ASPH: variants seen among roughly 807,000 people sequenced by gnomAD.
ASPH encodes aspartate beta-hydroxylase, also known as aspartyl/asparaginyl beta-hydroxylase.
A neutral mutation model predicts 118.4 loss-of-function variants in ASPH; 100 were observed. The ratio of observed to expected loss-of-function variants is 0.84; its 90% CI spans 0.72 to 1.00. ASPH has a LOEUF of 1.00. Among genes scored for constraint, ASPH ranks in the 50% least tolerant of loss-of-function variants. ASPH has a pLI of 0.00. For missense variants in ASPH, 920 were observed against 919.5 expected (o/e 1.00, Z -0.01); for synonymous variants, 315 against 325.6 (o/e 0.97, Z 0.35).
intron 1 of ASPH, among the ~76,000 whole-genome samples, chr8:61,710,766 G>C: frequency 6.6e-6 from 1 of 152,156 alleles, no homozygotes; most frequent in South Asian, 2.1e-4. Flanking sequence ...ATTTTGCTAG[G>C]GCCTCTTCAT....
intron 1 of ASPH, among the ~76,000 whole-genome samples, chr8:61,703,779 T>C (rs1353097549): frequency 2.6e-5 from 4 of 151,648 alleles, no homozygotes; most frequent in Admixed American, 1.3e-4. Flanking sequence ...GATTCTAAAA[T>C]GTATATGGAT....
intron 14 of ASPH, among the ~76,000 whole-genome samples, chr8:61,609,675 G>A (rs1349113865): frequency 1.3e-5 from 2 of 152,074 alleles, no homozygotes; most frequent in Admixed American, 6.6e-5. Context: ...TGATTTTTAA[G>A]TGAAAAATAT....
chr8:61,544,758 G>GT (rs1165947491), intron 21 of ASPH, among the ~76,000 whole-genome samples: 2 of 152,202 alleles, frequency 1.3e-5, no homozygotes, highest in African/African-American at 4.8e-5. Context: ...AACCCATCAT[G>GT]TATTAGAGAC....
At chr8:61,599,623 T>A (rs1843393973) in intron 14 of ASPH, among the ~76,000 whole-genome samples, 1 of 151,650 alleles carries the variant, frequency 6.6e-6, no homozygotes, top group South Asian at 2.1e-4. Context: ...CGAAGGATCA[T>A]CAGAGACTAT....
intron 14 of ASPH, among the ~76,000 whole-genome samples, chr8:61,609,318 A>G (rs2133849699): frequency 6.6e-6 from 1 of 152,296 alleles, no homozygotes; most frequent in Admixed American, 6.5e-5. Flanking sequence ...CAGAATCCCT[A>G]TGAGGCTAGG....
intron 13 of ASPH, among the ~76,000 whole-genome samples, chr8:61,626,692 AAAATTAAAATAAATTTT>A (rs1388566990): frequency 2.0e-5 from 3 of 149,944 alleles, no homozygotes; most frequent in Non-Finnish European, 4.4e-5. Flanking sequence ...TATTGCTTTA[AAAATTAAAATAAATTTT>A]AAATTAAAAT....
intron 15 of ASPH, among the ~76,000 whole-genome samples, chr8:61,581,135 T>C (rs1837388080): frequency 6.6e-6 from 1 of 152,244 alleles, no homozygotes; most frequent in East Asian, 1.9e-4. Flanking sequence ...GCAGCATCCT[T>C]TGAATCCCTG....
chr8:61,503,298 A>C lies in ASPH; in HGVS notation c.*61T>G. On this transcript the variant is annotated 3_prime_UTR_variant, in exon 25 of 25. Transcript: ENST00000379454. ...GTTCGAAATTCTATCCTCACACCCAAGGAGATGGAACCAGAAAGGCAGCCT... is the reference window on the plus strand; with the variant it reads ...GTTCGAAATTCTATCCTCACACCCACGGAGATGGAACCAGAAAGGCAGCCT... 1 of 1,540,628 alleles carries C rather than the reference A, an allele frequency of 6.5e-7. No homozygotes were observed. Among genetic ancestry groups the C allele is most frequent in the Non-Finnish European group, 8.8e-7 (1 of 1,138,292 alleles).
chr8:61,684,548 T>A, intron 1 of ASPH: 1 of 168,482 alleles, frequency 5.9e-6, no homozygotes, highest in Non-Finnish European at 1.3e-5. Context: ...AGCCAAATCC[T>A]TTTCTCCGTC....
intron 24 of ASPH, among the ~76,000 whole-genome samples, chr8:61,511,220 C>T (rs1808702672): frequency 6.6e-6 from 1 of 152,094 alleles, no homozygotes; most frequent in Admixed American, 6.5e-5. Flanking sequence ...GGAGGAAGGC[C>T]ATTATTTCTA....
At chr8:61,626,206 A>T in intron 13 of ASPH, 2 of 1,452,972 alleles carry the variant, frequency 1.4e-6, no homozygotes, top group South Asian at 1.6e-5. Flanking sequence ...GATCTATCAC[A>T]GCCATCTTTT....
chr8:61,597,639 AG>A (rs1353508431), intron 14 of ASPH, among the ~76,000 whole-genome samples: 1 of 152,214 alleles, frequency 6.6e-6, no homozygotes, highest in Admixed American at 6.5e-5. Context: ...AAACAGCAAA[AG>A]AATCAAGTTA....
chr8:61,508,784 T>A (rs1204293013), intron 24 of ASPH, among the ~76,000 whole-genome samples: 1 of 152,206 alleles, frequency 6.6e-6, no homozygotes, highest in Non-Finnish European at 1.5e-5. Flanking sequence ...GTAGATGACA[T>A]GCTGAGGTGG....
At chr8:61,699,405 A>G (rs535696747) in intron 1 of ASPH, among the ~76,000 whole-genome samples, 6 of 152,370 alleles carry the variant, frequency 3.9e-5, no homozygotes, top group Non-Finnish European at 8.8e-5. Flanking sequence ...ATCCCTCGCC[A>G]TAAGACAAAT....
chr8:61,561,932 C>T (rs567304749), intron 18 of ASPH, among the ~76,000 whole-genome samples: 4 of 152,164 alleles, frequency 2.6e-5, no homozygotes, highest in African/African-American at 9.6e-5. Flanking sequence ...GTGTCAAAAA[C>T]AAAAACAAAA....
At position 61,684,144 on chromosome 8, in the gene ASPH, A is replaced by C; in HGVS notation, c.148T>G (p.Ser50Ala). ...AACCACGTGAAGAATGAAGTTCCTG[A>C]GAGTCCGCCTTTCCTCCCATTCTTG... is the stretch of plus-strand genomic sequence containing the variant. ...GHKNGRKGGL[S>A]GTSFFTWFMV... Residue 50 changes from serine to alanine, a missense_variant, in exon 2 of 25, where the codon TCA becomes GCA. Physicochemically the swap from Ser to Ala is moderately conservative, Grantham distance 99. Coordinates refer to ENST00000379454, the MANE Select transcript of ASPH (RefSeq NM_004318.4). 5 of 1,613,658 alleles carry C rather than the reference A, an allele frequency of 3.1e-6. No homozygotes were observed. In the Admixed American group the frequency reaches 6.7e-5, roughly 22 times the overall value.
intron 14 of ASPH, among the ~76,000 whole-genome samples, chr8:61,618,389 C>G (rs1437043649): frequency 6.6e-6 from 1 of 152,124 alleles, no homozygotes; most frequent in Admixed American, 6.6e-5. Context: ...TTTTTTAACT[C>G]TTTGTAATAA....
At chr8:61,677,534 A>G (rs1825980423) in intron 3 of ASPH, among the ~76,000 whole-genome samples, 1 of 152,210 alleles carries the variant, frequency 6.6e-6, no homozygotes, top group African/African-American at 2.4e-5. Flanking sequence ...AACTAATTTA[A>G]AAGTTTTAAA....
intron 1 of ASPH, among the ~76,000 whole-genome samples, chr8:61,710,029 T>C (rs1490680515): frequency 6.6e-6 from 1 of 151,660 alleles, no homozygotes; most frequent in Non-Finnish European, 1.5e-5. Flanking sequence ...AAGCATGCAA[T>C]GGCCTGATGA....
Sources: gnomAD v4.1 joint callset for allele counts (sites outside exome capture counted in the v4.1 genomes callset) on GRCh38, gnomAD v4.1.1 for gene constraint, MANE v1.5 for transcripts, NCBI Gene and HGNC (gene_info 2026-07-23, HGNC 2026-07-21) for gene names.